Variants in PPP2R2C observed in about 807,000 individuals in gnomAD.
PPP2R2C encodes protein phosphatase 2 regulatory subunit Bgamma.
Under a neutral mutation model 45.3 loss-of-function variants are expected in PPP2R2C, and 10 were observed. The ratio of observed to expected loss-of-function variants is 0.22; its 90% confidence interval spans 0.14 to 0.37. The LOEUF (loss-of-function observed/expected upper bound fraction) is 0.37. Ranked by LOEUF, PPP2R2C falls within the 10% of genes least tolerant of loss-of-function variation. The probability of loss-of-function intolerance (pLI) is 1.00; values close to 1 mark genes in which losing one functional copy is unlikely to be tolerated. For missense variants in PPP2R2C, 308 were observed against 619.7 expected (o/e 0.50, Z 5.34); for synonymous variants, 257 against 245.4 (o/e 1.05, Z -0.44).
chr4:6,381,840 G>A, intron 1 of PPP2R2C: 1 of 1,613,738 alleles, frequency 6.2e-7, no homozygotes, highest in Non-Finnish European at 8.5e-7. Flanking sequence ...AAAAAAGACA[G>A]CCCCATCTCC....
chr4:6,465,296 A>G (rs534712665), intron 1 of PPP2R2C, among the ~76,000 whole-genome samples: 1 of 152,276 alleles, frequency 6.6e-6, no homozygotes, highest in East Asian at 1.9e-4. Context: ...TCCCCTGTAG[A>G]GCAACCTGGA....
chr4:6,352,396 G>C (rs1011035627), intron 5 of PPP2R2C, among the ~76,000 whole-genome samples: 8 of 152,186 alleles, frequency 5.3e-5, no homozygotes, highest in African/African-American at 1.7e-4. Context: ...CCTAAATCCT[G>C]CTTGAAAAAC....
intron 2 of PPP2R2C, among the ~76,000 whole-genome samples, chr4:6,530,148 T>C (rs1368872166): frequency 6.6e-6 from 1 of 152,074 alleles, no homozygotes; most frequent in Admixed American, 6.5e-5. Context: ...GCTCTGCCCT[T>C]AGCACCGCCC....
At position 6,329,360 on chromosome 4, in the gene PPP2R2C, G is replaced by A; in HGVS notation, c.961-7C>T. On this transcript the variant is annotated splice_region_variant and splice_polypyrimidine_tract_variant and intron_variant, in intron 7 of 8. Coordinates refer to ENST00000382599, the MANE Select transcript of PPP2R2C (RefSeq NM_020416.4). This position sits in a 1 kb window ranked among gnomAD's most constrained non-coding sequence, Gnocchi z 5.8. ...TCCGAAGGTAGTCATGGACCTGGTG[G>A]GATAAGGGATGAGGTGAGTGGACGG... The A allele has an allele frequency of 6.2e-7, 1 of 1,612,462 alleles. No homozygotes were observed. The highest frequency in any genetic ancestry group is 2.2e-5 in the East Asian group (1 of 44,868).
rs147365638 is a variant in PPP2R2C at position 6,392,432 on chromosome 4, G to A, written c.71-11338C>T. On this transcript the variant is annotated intron_variant, in intron 1 of 8. Transcript: ENST00000382599. ...GATGAAAACTATAGTATGGTAAATG[G>A]CATGGGAGGGGTGGGAGGGGCTGTT... Among the ~76,000 whole-genome samples, 18 of 149,834 alleles carry A rather than the reference G, an allele frequency of 1.2e-4. No individual in the cohort carries two copies. The East Asian group carries it at 3.2e-3, about 27-fold the overall frequency.
chr4:6,522,616 G>C (rs1209476200), intron 2 of PPP2R2C, among the ~76,000 whole-genome samples: 1 of 152,276 alleles, frequency 6.6e-6, no homozygotes, highest in Non-Finnish European at 1.5e-5. Context: ...TGAGCACTGA[G>C]TTCTGCTCAA....
intron 1 of PPP2R2C, among the ~76,000 whole-genome samples, chr4:6,432,697 G>T (rs1332162902): frequency 6.6e-6 from 1 of 152,208 alleles, no homozygotes; most frequent in Non-Finnish European, 1.5e-5. Context: ...ACACTACAGG[G>T]ATAGAGAAGG....
At chr4:6,423,754 GC>G (rs1431773443) in intron 1 of PPP2R2C, among the ~76,000 whole-genome samples, 4 of 152,198 alleles carry the variant, frequency 2.6e-5, no homozygotes, top group Non-Finnish European at 5.9e-5. Flanking sequence ...GTAGGAACCA[GC>G]TTGGTGTGTT....
chr4:6,559,236 C>T (rs1443773232), intron 1 of PPP2R2C, among the ~76,000 whole-genome samples: 3 of 152,216 alleles, frequency 2.0e-5, no homozygotes, highest in African/African-American at 7.2e-5. Context: ...ATCACTGGCA[C>T]CTCAGTGTGC....
intron 1 of PPP2R2C, among the ~76,000 whole-genome samples, chr4:6,542,029 C>T (rs1724816634): frequency 6.6e-6 from 1 of 152,220 alleles, no homozygotes; most frequent in Admixed American, 6.5e-5. Flanking sequence ...GTCCTTTATC[C>T]AGGAGCTAAG....
At position 6,320,616 on chromosome 4, in the gene PPP2R2C, G is replaced by A. The variant is rs1731485031; in HGVS notation, c.*2686C>T. 1 of 152,506 alleles carries A rather than the reference G, an allele frequency of 6.6e-6. No individual in the cohort carries two copies. The highest frequency in any genetic ancestry group is 1.5e-5 in the Non-Finnish European group (1 of 68,022). 9.4% of individuals were successfully genotyped at this position (152,506 alleles called of 1,614,324 possible). A position where few individuals can be genotyped will look rare whatever the true frequency, so the allele number is the denominator to read the frequency against. On this transcript the variant is annotated 3_prime_UTR_variant, in exon 9 of 9. Coordinates refer to ENST00000382599, the MANE Select transcript of PPP2R2C (RefSeq NM_020416.4). ...AACATTTGTTATTTTATTGGAAAAA[G>A]CTGGTATTAACATATTTATAGTTTT...
chr4:6,360,109 T>G (rs1407683121), intron 5 of PPP2R2C, among the ~76,000 whole-genome samples: 1 of 152,172 alleles, frequency 6.6e-6, no homozygotes, highest in African/African-American at 2.4e-5. Context: ...ACCAGTCAAA[T>G]AGTCCACCCC....
chr4:6,449,362 G>A (rs1026524384), intron 1 of PPP2R2C, among the ~76,000 whole-genome samples: 8 of 152,198 alleles, frequency 5.3e-5, no homozygotes, highest in African/African-American at 1.4e-4. Context: ...TGCCCATTCC[G>A]AGAGAACTGC....
chr4:6,522,017 G>A (rs952357736), intron 2 of PPP2R2C, among the ~76,000 whole-genome samples: 3 of 152,124 alleles, frequency 2.0e-5, no homozygotes, highest in Non-Finnish European at 4.4e-5. Context: ...ACAAGTGGGG[G>A]CCACTGAGCT....
At chr4:6,401,863 C>T (rs898489411) in intron 1 of PPP2R2C, among the ~76,000 whole-genome samples, 26 of 152,142 alleles carry the variant, frequency 1.7e-4, no homozygotes, top group African/African-American at 5.3e-4. Context: ...AGCTACCTGC[C>T]GATGCCAGAC....
At chr4:6,381,288 TC>T (rs1309656724) in intron 1 of PPP2R2C, 194 bp from the exon 2 acceptor site, 2 of 1,528,192 alleles carry the variant, frequency 1.3e-6, no homozygotes, top group Non-Finnish European at 1.8e-6. Context: ...GCCCTCCTCT[TC>T]CCTCTGCACT....
At chr4:6,399,021 T>C (rs1175632638) in intron 1 of PPP2R2C, among the ~76,000 whole-genome samples, 5 of 152,192 alleles carry the variant, frequency 3.3e-5, no homozygotes, top group Non-Finnish European at 5.9e-5. Context: ...TCTATTCATA[T>C]GAAATTCTTG....
rs1715534876 is a variant in PPP2R2C at position 6,378,614 on chromosome 4, G to C, written c.169-42C>G. 6.3e-7 allele frequency: 1 copy of C among 1,583,814 alleles called. No homozygotes were observed. The highest frequency in any genetic ancestry group is 8.6e-7 in the Non-Finnish European group (1 of 1,162,462). ...AGAAGGGGCCTGAGCACCGTGACCT[G>C]CAGGGCGACGGCTAGGACCTCCGGG... On this transcript the variant is annotated intron_variant, in intron 2 of 8. Transcript: ENST00000382599. This position sits in a 1 kb window ranked among gnomAD's most constrained non-coding sequence, Gnocchi z 5.2.
intron 2 of PPP2R2C, among the ~76,000 whole-genome samples, chr4:6,519,183 ACCAGCTGTGTTGGGCCC>A (rs1327629799): frequency 6.6e-6 from 1 of 152,102 alleles, no homozygotes; most frequent in Non-Finnish European, 1.5e-5. Context: ...CCCCTAGAAT[ACCAGCTGTGTTGGGCCC>A]CCAGCTATGT....
Sources: allele counts gnomAD v4.1 joint callset (sites outside exome capture counted in the v4.1 genomes callset), GRCh38; gene constraint gnomAD v4.1.1; non-coding constraint Gnocchi (gnomAD v3.1); transcripts MANE v1.5; gene names NCBI Gene and HGNC (gene_info 2026-07-23, HGNC 2026-07-21).